Variants in DRD3 observed in about 807,000 individuals in gnomAD.
The protein encoded by DRD3 is dopamine receptor D3.
A neutral mutation model predicts 36.3 loss-of-function variants in DRD3; 19 were observed. The observed-to-expected ratio is 0.52, with a 90% confidence interval of 0.36 to 0.77. The LOEUF (loss-of-function observed/expected upper bound fraction) is 0.77. DRD3 is among the 30% of genes least tolerant of loss of function. DRD3 has a pLI of 0.00. For missense variants in DRD3, 465 were observed against 505.3 expected (o/e 0.92, Z 0.77); for synonymous variants, 195 against 203.7 (o/e 0.96, Z 0.36).
At chr3:114,185,428 C>A (rs2077970082) in intron 1 of DRD3, among the ~76,000 whole-genome samples, 1 of 152,074 alleles carries the variant, frequency 6.6e-6, no homozygotes, top group Admixed American at 6.6e-5. Context: ...ATTATATTTT[C>A]AGCTTCAGAA....
chr3:114,188,836 A>G (rs950391175), intron 1 of DRD3, among the ~76,000 whole-genome samples: 1 of 152,218 alleles, frequency 6.6e-6, no homozygotes, highest in Non-Finnish European at 1.5e-5. Context: ...AAAATGTGGA[A>G]TTTTTGCTAG....
At chr3:114,162,140 T>C (rs1033655742) in intron 2 of DRD3, among the ~76,000 whole-genome samples, 2 of 152,158 alleles carry the variant, frequency 1.3e-5, no homozygotes, top group Non-Finnish European at 2.9e-5. Context: ...CCTTAAAGAA[T>C]TTACAAGATA....
At chr3:114,193,838 T>C (rs1226417569) in intron 1 of DRD3, among the ~76,000 whole-genome samples, 1 of 152,236 alleles carries the variant, frequency 6.6e-6, no homozygotes, top group Non-Finnish European at 1.5e-5. Flanking sequence ...TGAGTATACA[T>C]GAGCACACAC....
At chr3:114,132,261 A>G (rs186223432) in intron 5 of DRD3, among the ~76,000 whole-genome samples, 4 of 152,350 alleles carry the variant, frequency 2.6e-5, no homozygotes, top group Admixed American at 1.3e-4. Context: ...TTGCAGGGAC[A>G]TGGATGAAGC....
chr3:114,146,114 T>C (rs1281280113), intron 4 of DRD3, among the ~76,000 whole-genome samples: 1 of 152,228 alleles, frequency 6.6e-6, no homozygotes, highest in Non-Finnish European at 1.5e-5. Flanking sequence ...TATTTTGATT[T>C]CTAAATCATT....
At chr3:114,144,731 C>T (rs2077555814) in intron 4 of DRD3, among the ~76,000 whole-genome samples, 1 of 152,120 alleles carries the variant, frequency 6.6e-6, no homozygotes, top group Non-Finnish European at 1.5e-5. Flanking sequence ...TACAATGGAA[C>T]CTGACACTTT....
chr3:114,167,637 T>C (rs1028905037), intron 2 of DRD3, among the ~76,000 whole-genome samples: 5 of 152,138 alleles, frequency 3.3e-5, no homozygotes, highest in Non-Finnish European at 7.4e-5. Flanking sequence ...GGCTCCTGTG[T>C]GTCTTAAAGA....
chr3:114,157,812 A>G (rs1363669235), intron 3 of DRD3, among the ~76,000 whole-genome samples: 1 of 152,056 alleles, frequency 6.6e-6, no homozygotes, highest in African/African-American at 2.4e-5. Context: ...TGTTTAAAAA[A>G]GAGGGGTAGG....
chr3:114,185,383 T>A (rs1476508611), intron 1 of DRD3, among the ~76,000 whole-genome samples: 1 of 152,202 alleles, frequency 6.6e-6, no homozygotes, highest in Non-Finnish European at 1.5e-5. Context: ...TAAATCTGCC[T>A]TTAAATCTGT....
chr3:114,132,568 TAAA>T (rs11299557), intron 5 of DRD3, among the ~76,000 whole-genome samples: 25 of 137,554 alleles, frequency 1.8e-4, no homozygotes, highest in Admixed American at 3.6e-4. Flanking sequence ...GAACTTAAAG[TAAA>T]AAAAAAAAAA....
rs145142852 is a variant in DRD3, at chr3:114,153,956, C to G, written c.383+5799G>C. Among the ~76,000 whole-genome samples, 54 of 152,256 alleles carry G rather than the reference C, an allele frequency of 3.5e-4. 1 individual carries two copies. The highest frequency in any genetic ancestry group is 1.3e-3 in the African/African-American group (54 of 41,560). On this transcript the variant is annotated intron_variant, in intron 3 of 6. Coordinates refer to ENST00000383673, the MANE Select transcript of DRD3 (RefSeq NM_000796.6). Reference sequence around the variant, plus strand: ...ATGTTAACTATTTTTATTATTGTTGCTTCCAGACTCATGTAAGTTAGCATT... The same window carrying G: ...ATGTTAACTATTTTTATTATTGTTGGTTCCAGACTCATGTAAGTTAGCATT...
chr3:114,184,878 A>G (rs1412870752), intron 1 of DRD3, among the ~76,000 whole-genome samples: 1 of 152,192 alleles, frequency 6.6e-6, no homozygotes, highest in Non-Finnish European at 1.5e-5. Flanking sequence ...TCACTTTTGA[A>G]GGACAATTGT....
intron 4 of DRD3, among the ~76,000 whole-genome samples, chr3:114,146,693 G>A (rs1331042572): frequency 6.9e-6 from 1 of 144,172 alleles, no homozygotes; most frequent in Non-Finnish European, 1.5e-5. Flanking sequence ...AATGAGACTT[G>A]GTCTCAAAAA....
In DRD3 at chr3:114,156,717, C is replaced by G. The variant is rs776011660; in HGVS notation, c.383+3038G>C. Among the ~76,000 whole-genome samples, 31 of 28,190 alleles carry G rather than the reference C, an allele frequency of 1.1e-3. No individual in the cohort carries two copies. In the East Asian group the frequency reaches 0.034, roughly 31 times the overall value. The allele number at this position is 28,190 out of a possible 152,430, so 18.5% of individuals were successfully genotyped here. A position where few individuals can be genotyped will look rare whatever the true frequency, so the allele number is the denominator to read the frequency against. ...GTTTTCCACAATATGGCTTGCCTGT[C>G]TTTCTTTCTTTCTTTCTTTCTTTCT... On this transcript the variant is annotated intron_variant, in intron 3 of 6. Transcript: ENST00000383673.
At chr3:114,160,997 C>G (rs1175923575) in intron 2 of DRD3, among the ~76,000 whole-genome samples, 1 of 152,054 alleles carries the variant, frequency 6.6e-6, no homozygotes, top group Non-Finnish European at 1.5e-5. Flanking sequence ...TTTTTGAAAC[C>G]TTTACATACC....
chr3:114,133,927 G>A (rs533634745), intron 5 of DRD3, among the ~76,000 whole-genome samples: 134 of 152,314 alleles, frequency 8.8e-4, no homozygotes, highest in Middle Eastern at 6.8e-3. Context: ...CTTTGAACTG[G>A]AACTTGTGAA....
chr3:114,138,386 T>C (rs1400392197), intron 5 of DRD3, among the ~76,000 whole-genome samples: 1 of 152,174 alleles, frequency 6.6e-6, no homozygotes, highest in African/African-American at 2.4e-5. Flanking sequence ...TCCATGTGGC[T>C]GGGGAGGCCT....
intron 4 of DRD3, among the ~76,000 whole-genome samples, chr3:114,144,972 A>T (rs904012799): frequency 6.6e-6 from 1 of 152,192 alleles, no homozygotes; most frequent in African/African-American, 2.4e-5. Flanking sequence ...CTGCAAATTC[A>T]TCATTCTTCT....
intron 4 of DRD3, among the ~76,000 whole-genome samples, chr3:114,143,375 A>G (rs1412488339): frequency 1.3e-5 from 2 of 152,170 alleles, no homozygotes; most frequent in African/African-American, 4.8e-5. Flanking sequence ...AGAGTCATCT[A>G]TTTACTCATT....
Sources: allele counts gnomAD v4.1 joint callset (sites outside exome capture counted in the v4.1 genomes callset), GRCh38; gene constraint gnomAD v4.1.1; transcripts MANE v1.5; gene names NCBI Gene and HGNC (gene_info 2026-07-23, HGNC 2026-07-21).